ACOXL: variants seen among roughly 807,000 people sequenced by gnomAD.
ACOXL encodes the protein acyl-CoA oxidase like.
ACOXL carries 70 observed loss-of-function variants against 71.9 expected under a neutral mutation model. The observed-to-expected ratio is 0.97, with a 90% confidence interval of 0.80 to 1.19. ACOXL has a LOEUF of 1.19. ACOXL is among the 50% of genes most tolerant of loss of function. ACOXL has a pLI of 0.00. For synonymous variants in ACOXL, 253 were observed against 281.6 expected (o/e 0.90, Z 1.02); for missense variants, 703 against 736.3 (o/e 0.95, Z 0.52).
At chr2:110,887,152 A>C (rs982164368) in intron 10 of ACOXL, 1 of 328,792 alleles carries the variant, frequency 3.0e-6, no homozygotes, top group Admixed American at 4.2e-5. Flanking sequence ...TGACTCCGTT[A>C]CCATGTTCTG....
intron 11 of ACOXL, among the ~76,000 whole-genome samples, chr2:110,917,394 G>C (rs1460036728): frequency 6.6e-6 from 1 of 152,128 alleles, no homozygotes; most frequent in East Asian, 1.9e-4. Context: ...GGTATCAGTG[G>C]AACATATCTC....
At chr2:110,742,427 C>G (rs1049223068) in intron 1 of ACOXL, among the ~76,000 whole-genome samples, 1 of 152,086 alleles carries the variant, frequency 6.6e-6, no homozygotes, top group Non-Finnish European at 1.5e-5. Context: ...TTCTTCTTTC[C>G]TTGGCAAGAA....
chr2:110,818,162 A>G (rs1257344104), intron 9 of ACOXL, among the ~76,000 whole-genome samples: 1 of 151,886 alleles, frequency 6.6e-6, no homozygotes, highest in African/African-American at 2.4e-5. Context: ...TGGGAGGTCA[A>G]GTCGGGGGGA....
In ACOXL at chr2:111,097,297, C is replaced by G. The variant is rs531434581; in HGVS notation, c.1542+4331C>G. Among the ~76,000 whole-genome samples, 4 of 152,300 alleles carry G rather than the reference C, an allele frequency of 2.6e-5. No homozygotes were observed. The South Asian group carries it at 8.3e-4, about 32-fold the overall frequency. On this transcript the variant is annotated intron_variant, in intron 17 of 17. Coordinates refer to ENST00000439055, the MANE Select transcript of ACOXL (RefSeq NM_001142807.4). ...TGCTTCATTGTTATTCTATATGACC[C>G]CACAACAACCCGGTGAAAAATTTTC...
intron 11 of ACOXL, among the ~76,000 whole-genome samples, chr2:110,915,348 A>ATGTG (rs1188923872): frequency 2.0e-4 from 26 of 127,164 alleles, no homozygotes; most frequent in African/African-American, 7.0e-4. Context: ...ATATATATAT[A>ATGTG]TATGTGTGTG....
chr2:110,773,704 G>A (rs1014143568), intron 2 of ACOXL, among the ~76,000 whole-genome samples: 1 of 152,196 alleles, frequency 6.6e-6, no homozygotes, highest in East Asian at 1.9e-4. Flanking sequence ...GGCTCCCCTG[G>A]CTCTTAGTCC....
chr2:110,734,657 C>G (rs1676612554), intron 1 of ACOXL, among the ~76,000 whole-genome samples: 1 of 152,066 alleles, frequency 6.6e-6, no homozygotes, highest in African/African-American at 2.4e-5. Context: ...TCCTATATTC[C>G]TCAGTCTTTT....
At chr2:110,968,023 A>G in intron 12 of ACOXL, 1 of 1,053,096 alleles carries the variant, frequency 9.5e-7, no homozygotes, top group Admixed American at 1.7e-5. Flanking sequence ...CATTAGTCAG[A>G]TTGCTTATGC....
intron 14 of ACOXL, among the ~76,000 whole-genome samples, chr2:111,023,165 C>T (rs889905546): frequency 2.0e-5 from 3 of 152,116 alleles, no homozygotes; most frequent in African/African-American, 7.2e-5. Flanking sequence ...GGTGGGAGTG[C>T]AGTTATTGAT....
At chr2:111,031,141 T>C (rs1264701455) in intron 14 of ACOXL, among the ~76,000 whole-genome samples, 1 of 152,218 alleles carries the variant, frequency 6.6e-6, no homozygotes, top group African/African-American at 2.4e-5. Context: ...TCCTCACATA[T>C]ATCAAACATG....
At chr2:110,949,386 C>CCTAT (rs561321307) in intron 12 of ACOXL, among the ~76,000 whole-genome samples, 1,142 of 90,168 alleles carry the variant, frequency 0.013, 8 homozygotes, top group Middle Eastern at 0.067. Flanking sequence ...TGACCAACTC[C>CCTAT]CTTTCTATTT....
chr2:110,926,800 C>G (rs1323548476), intron 11 of ACOXL, among the ~76,000 whole-genome samples: 1 of 152,094 alleles, frequency 6.6e-6, no homozygotes, highest in African/African-American at 2.4e-5. Context: ...TCTCCCCGAC[C>G]ATCCCTGGTT....
intron 1 of ACOXL, among the ~76,000 whole-genome samples, chr2:110,734,110 T>C (rs1428484801): frequency 6.6e-6 from 1 of 151,906 alleles, no homozygotes; most frequent in Admixed American, 6.5e-5. Flanking sequence ...TTGCTAACTT[T>C]TTTTGTTTTG....
intron 14 of ACOXL, among the ~76,000 whole-genome samples, chr2:111,023,823 G>A (rs556688987): frequency 2.5e-4 from 38 of 152,236 alleles, no homozygotes; most frequent in African/African-American, 9.1e-4. Context: ...GCTGTGGTTG[G>A]GAGAAGACCA....
chr2:111,052,931 G>C (rs1297129879), intron 16 of ACOXL, among the ~76,000 whole-genome samples: 2 of 152,106 alleles, frequency 1.3e-5, no homozygotes, highest in African/African-American at 4.8e-5. Context: ...CCATGTGTCT[G>C]TTCATCCTCT....
intron 15 of ACOXL, 22 bp from the exon 16 acceptor site, chr2:111,049,196 A>G: frequency 6.3e-7 from 1 of 1,586,022 alleles, no homozygotes; most frequent in Non-Finnish European, 8.7e-7. Flanking sequence ...GTCATTCACA[A>G]TTTCCATTTC....
chr2:110,904,741 A>T (rs994853280), intron 10 of ACOXL, among the ~76,000 whole-genome samples: 1 of 152,160 alleles, frequency 6.6e-6, no homozygotes, highest in Non-Finnish European at 1.5e-5. Context: ...AAGAGCCTTT[A>T]TTGTGGTTTC....
intron 16 of ACOXL, among the ~76,000 whole-genome samples, chr2:111,079,281 T>A (rs564390819): frequency 6.6e-6 from 1 of 152,204 alleles, no homozygotes; most frequent in African/African-American, 2.4e-5. Context: ...TGAGTCTCCA[T>A]TGACTGATTC....
intron 10 of ACOXL, among the ~76,000 whole-genome samples, chr2:110,878,123 C>T (rs1696155751): frequency 6.6e-6 from 1 of 152,172 alleles, no homozygotes; most frequent in Non-Finnish European, 1.5e-5. Flanking sequence ...GTGAATAAAA[C>T]AATAAAAGCC....
Sources: allele counts gnomAD v4.1 joint callset (sites outside exome capture counted in the v4.1 genomes callset), GRCh38; gene constraint gnomAD v4.1.1; transcripts MANE v1.5; gene names NCBI Gene and HGNC (gene_info 2026-07-23, HGNC 2026-07-21).